TAFA2: variants seen among roughly 807,000 people sequenced by gnomAD.
TAFA2 encodes chemokine-like protein TAFA-2.
In TAFA2, 7 loss-of-function variants were observed where a neutral mutation model predicts 18.8. That is an observed-to-expected ratio of 0.37 (90% CI 0.21 to 0.70). The LOEUF (loss-of-function observed/expected upper bound fraction) is 0.70. Ranked by LOEUF, TAFA2 falls within the 30% of genes least tolerant of loss-of-function variation. The pLI is 0.53. For missense variants in TAFA2, 122 were observed against 158.1 expected, an observed-to-expected ratio of 0.77 and a Z score of 1.23; for synonymous variants, 60 against 54.2, an observed-to-expected ratio of 1.11 and a Z score of -0.47.
chr12:62,251,002 T>C (rs114733966), intron 1 of TAFA2, among the ~76,000 whole-genome samples: 2 of 132,604 alleles, frequency 1.5e-5, no homozygotes, highest in African/African-American at 2.5e-5. Flanking sequence ...GTAGGAAATA[T>C]GCGTATATTG....
intron 1 of TAFA2, among the ~76,000 whole-genome samples, chr12:62,072,293 T>C (rs898036662): frequency 6.6e-6 from 1 of 151,430 alleles, no homozygotes; most frequent in Non-Finnish European, 1.5e-5. Flanking sequence ...TGAAACCCCA[T>C]CTCTACTAAA....
At chr12:61,952,533 C>T (rs775467757) in intron 1 of TAFA2, among the ~76,000 whole-genome samples, 49 of 152,008 alleles carry the variant, frequency 3.2e-4, no homozygotes, top group Non-Finnish European at 5.4e-4. Flanking sequence ...CAGATCAACG[C>T]GATAAACTTC....
intron 1 of TAFA2, among the ~76,000 whole-genome samples, chr12:61,997,537 A>G (rs1880238216): frequency 6.6e-6 from 1 of 152,148 alleles, no homozygotes; most frequent in South Asian, 2.1e-4. Context: ...CAAAAGTAAA[A>G]GGAAGTATTT....
At chr12:62,004,095 G>A (rs899209424) in intron 1 of TAFA2, among the ~76,000 whole-genome samples, 7 of 152,064 alleles carry the variant, frequency 4.6e-5, no homozygotes, top group African/African-American at 1.7e-4. Context: ...ATGAATAGCA[G>A]TGACTAAAAT....
chr12:62,215,746 C>CTTGCTT (rs1417647952), intron 1 of TAFA2, among the ~76,000 whole-genome samples: 541 of 71,684 alleles, frequency 7.5e-3, no homozygotes, highest in East Asian at 0.018. Flanking sequence ...ACTTGTTTCT[C>CTTGCTT]AAAAAAAAAA....
At chr12:62,058,975 C>T (rs1565730901) in intron 1 of TAFA2, among the ~76,000 whole-genome samples, 1 of 151,990 alleles carries the variant, frequency 6.6e-6, no homozygotes, top group Non-Finnish European at 1.5e-5. Flanking sequence ...TGGTGGCGGG[C>T]GCCTGTAGTC....
chr12:61,839,398 G>A (rs1873077527), intron 2 of TAFA2, among the ~76,000 whole-genome samples: 2 of 152,016 alleles, frequency 1.3e-5, no homozygotes, highest in Admixed American at 1.3e-4. Context: ...CCATTACTGG[G>A]CATATACTCA....
chr12:62,186,573 T>C (rs1442965892), intron 1 of TAFA2, among the ~76,000 whole-genome samples: 1 of 152,152 alleles, frequency 6.6e-6, no homozygotes, highest in Non-Finnish European at 1.5e-5. Context: ...AGAAGCAATA[T>C]AAATATAAAT....
chr12:61,732,417 C>T (rs114369069), intron 4 of TAFA2, among the ~76,000 whole-genome samples: 2,866 of 152,072 alleles, frequency 0.019, 99 homozygotes, highest in African/African-American at 0.065. Context: ...AAGGCTAAAC[C>T]GTAGGCAAAA....
At chr12:62,033,185 T>G (rs950728605) in intron 1 of TAFA2, among the ~76,000 whole-genome samples, 2 of 152,180 alleles carry the variant, frequency 1.3e-5, no homozygotes, top group East Asian at 3.8e-4. Flanking sequence ...TACATCACCC[T>G]TTAGCAGAAA....
chr12:62,008,341 T>C (rs1260478097), intron 1 of TAFA2, among the ~76,000 whole-genome samples: 1 of 152,164 alleles, frequency 6.6e-6, no homozygotes, highest in Non-Finnish European at 1.5e-5. Flanking sequence ...CTGGAGTTGA[T>C]TAAGTGGTTA....
chr12:61,728,187 A>C, intron 4 of TAFA2, among the ~76,000 whole-genome samples: 1 of 152,056 alleles, frequency 6.6e-6, no homozygotes, highest in East Asian at 1.9e-4. Flanking sequence ...GATGAATAGA[A>C]TGTATATTGT....
intron 1 of TAFA2, among the ~76,000 whole-genome samples, chr12:62,101,221 T>C (rs556296546): frequency 3.0e-4 from 46 of 152,206 alleles, no homozygotes; most frequent in South Asian, 1.2e-3. Flanking sequence ...TGGAACGAAT[T>C]ACCCATGCCC....
intron 1 of TAFA2, among the ~76,000 whole-genome samples, chr12:61,956,626 T>A (rs951692330): frequency 3.9e-5 from 2 of 51,048 alleles, no homozygotes; most frequent in Non-Finnish European, 8.6e-5. Context: ...TTTGTTTTGT[T>A]TTGTTAAAAA....
intron 2 of TAFA2, among the ~76,000 whole-genome samples, chr12:61,786,020 G>A (rs1297668789): frequency 1.3e-5 from 2 of 151,696 alleles, no homozygotes; most frequent in African/African-American, 2.4e-5. Flanking sequence ...TACTGGAGAC[G>A]AGAAGCTGCA....
chr12:62,175,149 C>G (rs1261357980), intron 1 of TAFA2, among the ~76,000 whole-genome samples: 1 of 152,254 alleles, frequency 6.6e-6, no homozygotes, highest in East Asian at 1.9e-4. Context: ...TATGTAACTT[C>G]TAAGTCAATG....
At chr12:61,734,207 T>C (rs1398065864) in intron 4 of TAFA2, among the ~76,000 whole-genome samples, 1 of 151,886 alleles carries the variant, frequency 6.6e-6, no homozygotes, top group Non-Finnish European at 1.5e-5. Context: ...TACACAATCA[T>C]GTCATCTGCA....
intron 2 of TAFA2, among the ~76,000 whole-genome samples, chr12:61,844,925 G>A (rs904317592): frequency 1.3e-5 from 2 of 152,006 alleles, no homozygotes; most frequent in African/African-American, 4.8e-5. Context: ...TGAATATAAT[G>A]CAAAGCAACT....
At chr12:62,235,375 G>A in intron 1 of TAFA2, 1 of 645,098 alleles carries the variant, frequency 1.6e-6, no homozygotes, top group Non-Finnish European at 2.8e-6. Flanking sequence ...CAAGAGGTGT[G>A]CACTCCGGAG....
Sources: allele counts gnomAD v4.1 joint callset (sites outside exome capture counted in the v4.1 genomes callset), GRCh38; gene constraint gnomAD v4.1.1; transcripts MANE v1.5; gene names NCBI Gene and HGNC (gene_info 2026-07-23, HGNC 2026-07-21).